ARHGEF7: variants seen among roughly 807,000 people sequenced by gnomAD.
ARHGEF7 encodes the protein PAK-interacting exchange factor beta.
A neutral mutation model predicts 109.8 loss-of-function variants in ARHGEF7; 33 were observed. The observed-to-expected ratio is 0.30, with a 90% CI of 0.23 to 0.40. The LOEUF (loss-of-function observed/expected upper bound fraction) is 0.40. Among genes scored for constraint, ARHGEF7 ranks in the 10% least tolerant of loss-of-function variants. The pLI is 1.00. For missense variants in ARHGEF7, 938 were observed against 1,098.5 expected, an observed-to-expected ratio of 0.85 and a Z score of 2.07; for synonymous variants, 458 against 424.6, an observed-to-expected ratio of 1.08 and a Z score of -0.97.
At chr13:111,282,680 G>A (rs924624886) in intron 15 of ARHGEF7, 6 of 168,540 alleles carry the variant, frequency 3.6e-5, no homozygotes, top group African/African-American at 9.6e-5. Context: ...AAAACTAGGC[G>A]ATCAGGCCTT....
At chr13:111,280,189 A>G in intron 13 of ARHGEF7, 83 bp from the exon 14 acceptor site, 1 of 1,387,852 alleles carries the variant, frequency 7.2e-7, no homozygotes, top group Non-Finnish European at 9.9e-7. Context: ...TTCTAAAATC[A>G]TTTAATATTG....
chr13:111,115,026 G>C (rs1370466383), upstream of ARHGEF7: 1 of 151,712 alleles, frequency 6.6e-6, no homozygotes, highest in African/African-American at 2.4e-5. Context: ...GCCCCGGCCA[G>C]GGGCGCGGGG....
At chr13:111,233,327 G>A in intron 6 of ARHGEF7, 34 bp downstream of exon 6, 1 of 1,536,288 alleles carries the variant, frequency 6.5e-7, no homozygotes, top group Non-Finnish European at 9.0e-7. Context: ...AAACTAACTG[G>A]TTTTTGACTG....
chr13:111,233,950 T>G (rs2086446342), intron 6 of ARHGEF7, among the ~76,000 whole-genome samples: 1 of 152,246 alleles, frequency 6.6e-6, no homozygotes, highest in African/African-American at 2.4e-5. Context: ...CAATTGCATG[T>G]TCTATAGAAA....
intron 8 of ARHGEF7, among the ~76,000 whole-genome samples, chr13:111,260,071 TAAAG>T (rs1458424384): frequency 1.3e-5 from 2 of 151,828 alleles, no homozygotes; most frequent in Non-Finnish European, 2.9e-5. Flanking sequence ...CAGAAGAGAC[TAAAG>T]AAAGAATCAA....
intron 20 of ARHGEF7, among the ~76,000 whole-genome samples, chr13:111,301,266 A>G (rs1017587731): frequency 6.6e-6 from 1 of 152,164 alleles, no homozygotes; most frequent in African/African-American, 2.4e-5. Flanking sequence ...CACTTTTAAA[A>G]TGTCTTCATA....
intron 13 of ARHGEF7, among the ~76,000 whole-genome samples, chr13:111,279,311 G>A (rs1477309564): frequency 6.6e-6 from 1 of 151,944 alleles, no homozygotes; most frequent in Non-Finnish European, 1.5e-5. Context: ...GGACTGGATC[G>A]TTCATGGCCA....
chr13:111,142,475 T>A (rs901803952), intron 1 of ARHGEF7, among the ~76,000 whole-genome samples: 1 of 54,432 alleles, frequency 1.8e-5, no homozygotes, highest in African/African-American at 6.9e-5. Flanking sequence ...CCCTATTGAT[T>A]TCAGCCCACC....
chr13:111,221,523 C>CTATATATATAGATA (rs199606128), intron 5 of ARHGEF7, among the ~76,000 whole-genome samples: 1 of 32,296 alleles, frequency 3.1e-5, no homozygotes. Context: ...AGATATATAT[C>CTATATATATAGATA]TATATATATC....
intron 2 of ARHGEF7, among the ~76,000 whole-genome samples, chr13:111,194,426 A>G (rs2080261849): frequency 6.6e-6 from 1 of 152,174 alleles, no homozygotes; most frequent in Non-Finnish European, 1.5e-5. Context: ...GGCAAAACCC[A>G]GTGATTCCAA....
intron 2 of ARHGEF7, among the ~76,000 whole-genome samples, chr13:111,161,338 C>G (rs1654673332): frequency 6.6e-6 from 1 of 152,110 alleles, no homozygotes; most frequent in Non-Finnish European, 1.5e-5. Context: ...CAGGTATTTG[C>G]TTTGCGGGGG....
intron 8 of ARHGEF7, among the ~76,000 whole-genome samples, chr13:111,245,087 G>A (rs1595123184): frequency 6.6e-6 from 1 of 152,302 alleles, no homozygotes; most frequent in African/African-American, 2.4e-5. Flanking sequence ...GCGGTCAGGC[G>A]CTGTTGTGGA....
intron 2 of ARHGEF7, among the ~76,000 whole-genome samples, chr13:111,154,737 T>A (rs1321424814): frequency 1.3e-5 from 2 of 152,242 alleles, no homozygotes; most frequent in Admixed American, 1.3e-4. Context: ...ATTGCGATTC[T>A]TCCTACACTT....
At chr13:111,244,010 C>G in intron 7 of ARHGEF7, 44 bp downstream of exon 7, 1 of 1,465,768 alleles carries the variant, frequency 6.8e-7, no homozygotes, top group Non-Finnish European at 9.5e-7. Context: ...ATAGTCTAAA[C>G]CTTAGGCTGT....
chr13:111,278,228 T>C (rs921056903), intron 13 of ARHGEF7, among the ~76,000 whole-genome samples: 1 of 152,240 alleles, frequency 6.6e-6, no homozygotes, highest in Non-Finnish European at 1.5e-5. Context: ...GGGCCTTTTC[T>C]GTTGCGACAG....
chr13:111,120,538 G>A (rs748047587), intron 1 of ARHGEF7, among the ~76,000 whole-genome samples: 54 of 152,158 alleles, frequency 3.5e-4, no homozygotes, highest in Non-Finnish European at 4.4e-5. Context: ...CACGTCTGAC[G>A]GGGGTTGAGG....
At chr13:111,271,439 A>G (rs191366282) in intron 9 of ARHGEF7, among the ~76,000 whole-genome samples, 270 of 152,354 alleles carry the variant, frequency 1.8e-3, no homozygotes, top group African/African-American at 6.2e-3. Context: ...GCTCATGTCA[A>G]TGCAGCCTGT....
In ARHGEF7 at chr13:111,274,716, T is replaced by G. The variant is rs1410681074; in HGVS notation, c.1213-15T>G. 1 of 1,446,920 alleles carries G rather than the reference T, an allele frequency of 6.9e-7. No homozygotes were observed. Among genetic ancestry groups the G allele is most frequent in the African/African-American group, 1.5e-5 (1 of 67,820 alleles). The allele number at this position is 1,446,920 out of a possible 1,614,324, so 89.6% of individuals were successfully genotyped here. A position where few individuals can be genotyped will look rare whatever the true frequency, so the allele number is the denominator to read the frequency against. On this transcript the variant is annotated splice_polypyrimidine_tract_variant and intron_variant, in intron 10 of 21. Coordinates refer to ENST00000646102, the MANE Select transcript of ARHGEF7 (RefSeq NM_001354046.2). The stretch of plus-strand genomic sequence containing the variant: ...TTCCTTATGAAAGCTAATTGTATGT[T>G]TCTTTTACTCAAAGGATTATCATAC...
intron 1 of ARHGEF7, chr13:111,153,619 G>C: frequency 1.1e-5 from 13 of 1,178,782 alleles, no homozygotes; most frequent in Non-Finnish European, 1.4e-5. Context: ...TCCCGCGCGG[G>C]CCGGCGGGGG....
Sources: allele counts gnomAD v4.1 joint callset (sites outside exome capture counted in the v4.1 genomes callset), GRCh38; gene constraint gnomAD v4.1.1; transcripts MANE v1.5; gene names NCBI Gene and HGNC (gene_info 2026-07-23, HGNC 2026-07-21).